The following EPM2A variants were observed in gnomAD, a reference collection of about 807,000 sequenced individuals.
The protein encoded by EPM2A is EPM2A glucan phosphatase, laforin.
Under a neutral mutation model 26.5 loss-of-function variants are expected in EPM2A, and 21 were observed. That is an observed-to-expected ratio of 0.79 (90% CI 0.56 to 1.14). The LOEUF (loss-of-function observed/expected upper bound fraction) is 1.14. Among genes scored for constraint, EPM2A ranks in the 50% most tolerant of loss-of-function variants. The pLI is 0.00. For missense variants in EPM2A, 458 were observed against 440.8 expected (o/e 1.04, Z -0.35); for synonymous variants, 217 against 177.6 (o/e 1.22, Z -1.76).
chr6:145,573,233 C>T (rs190294912), intron 2 of EPM2A, among the ~76,000 whole-genome samples: 6 of 152,328 alleles, frequency 3.9e-5, no homozygotes, highest in African/African-American at 1.2e-4. Context: ...AAGATTATAA[C>T]ACAAAGTCAG....
At position 145,441,701 on chromosome 6, in the gene EPM2A, A is replaced by G. The variant is rs527335689; in HGVS notation, c.556-57604T>C. 5.3e-5 allele frequency among the ~76,000 whole-genome samples: 8 copies of G among 151,900 alleles called. No individual in the cohort carries two copies. In the East Asian group the frequency reaches 1.6e-3, roughly 30 times the overall value. On this transcript the variant is annotated intron_variant, in intron 4 of 4. Transcript: ENST00000638717. ...CAACAGTAAAACCCTGTCTCTACTA[A>G]AAATGCAAAAATTAGCTGGGCATGG...
intron 1 of EPM2A, among the ~76,000 whole-genome samples, chr6:145,695,201 G>C (rs1361941353): frequency 6.6e-6 from 1 of 151,952 alleles, no homozygotes; most frequent in African/African-American, 2.4e-5. Flanking sequence ...TTTTGTATTT[G>C]ATTAAAGTTA....
intron 4 of EPM2A, chr6:145,491,129 T>G: frequency 3.5e-6 from 2 of 577,982 alleles, no homozygotes; most frequent in Non-Finnish European, 6.7e-6. Context: ...CTTGTGGTAT[T>G]TTCCTCTAAT....
chr6:145,706,419 T>A (rs988570945), intron 1 of EPM2A, among the ~76,000 whole-genome samples: 1 of 152,218 alleles, frequency 6.6e-6, no homozygotes. Context: ...ATATGTAACT[T>A]CACTAAACTG....
At chr6:145,471,071 A>G (rs992702310) in intron 4 of EPM2A, among the ~76,000 whole-genome samples, 5 of 152,162 alleles carry the variant, frequency 3.3e-5, no homozygotes, top group African/African-American at 1.2e-4. Context: ...CAGAAACACA[A>G]GAGTCTTGTT....
At position 145,625,579 on chromosome 6, in the gene EPM2A, C is replaced by A. The variant is rs1349110309; in HGVS notation, c.*1837G>T. On this transcript the variant is annotated 3_prime_UTR_variant, in exon 4 of 4. Transcript: ENST00000367519. ...AATTTTTAAGATTAAATTTTCACAA[C>A]ACATTATGACTGTAAATGAGTTACC... 3.1e-6 allele frequency: 2 copies of A among 651,160 alleles called. No individual in the cohort carries two copies. The highest frequency in any genetic ancestry group is 4.7e-5 in the Admixed American group (2 of 42,664). 40.3% of individuals were successfully genotyped at this position (651,160 alleles called of 1,614,324 possible).
rs1038061192 is a variant in EPM2A at position 145,544,554 on chromosome 6, G to A, written c.341-41979C>T. 5.9e-5 allele frequency among the ~76,000 whole-genome samples: 9 copies of A among 152,160 alleles called. No homozygotes were observed. In the South Asian group the frequency reaches 1.4e-3, roughly 25 times the overall value. ...ATCCAAGTTCAGTCACAAAGTGTGCGTTAGGCAGAAAGCCTGACAAACATC... is the reference window on the plus strand; with the variant it reads ...ATCCAAGTTCAGTCACAAAGTGTGCATTAGGCAGAAAGCCTGACAAACATC... On this transcript the variant is annotated intron_variant, in intron 2 of 3. Transcript: ENST00000450221.
chr6:145,396,110 T>C (rs947785494), intron 4 of EPM2A, among the ~76,000 whole-genome samples: 1 of 152,154 alleles, frequency 6.6e-6, no homozygotes, highest in African/African-American at 2.4e-5. Flanking sequence ...TCCTCTTGGA[T>C]ACCATTCAGG....
intron 4 of EPM2A, among the ~76,000 whole-genome samples, chr6:145,466,800 A>T (rs1425362114): frequency 6.6e-6 from 1 of 152,204 alleles, no homozygotes; most frequent in African/African-American, 2.4e-5. Flanking sequence ...ACACCATGGA[A>T]TACTATGCAG....
At chr6:145,650,548 T>C (rs1777814409) in intron 2 of EPM2A, among the ~76,000 whole-genome samples, 1 of 149,940 alleles carries the variant, frequency 6.7e-6, no homozygotes. Context: ...TGAGACTCTG[T>C]CTCAAAAAAA....
intron 2 of EPM2A, among the ~76,000 whole-genome samples, chr6:145,545,910 A>T (rs1780577615): frequency 6.6e-6 from 1 of 151,954 alleles, no homozygotes; most frequent in Non-Finnish European, 1.5e-5. Context: ...TCACTTTCTC[A>T]ATTTTCCTTG....
intron 2 of EPM2A, among the ~76,000 whole-genome samples, chr6:145,614,748 C>T (rs1775468581): frequency 6.6e-6 from 1 of 152,190 alleles, no homozygotes; most frequent in Admixed American, 6.5e-5. Context: ...AGGCACAGTT[C>T]ATGGCACCCC....
chr6:145,735,940 G>A (rs1359760873), upstream of EPM2A: 1 of 152,016 alleles, frequency 6.6e-6, no homozygotes, highest in Non-Finnish European at 1.5e-5. Flanking sequence ...TGTGAAACGG[G>A]GGAAGATCTT....
At chr6:145,684,265 C>T (rs1448380864) in intron 2 of EPM2A, among the ~76,000 whole-genome samples, 1 of 152,048 alleles carries the variant, frequency 6.6e-6, no homozygotes, top group Admixed American at 6.6e-5. Flanking sequence ...GGTCCAACAT[C>T]CATCTAAGGA....
intron 2 of EPM2A, among the ~76,000 whole-genome samples, chr6:145,563,226 T>C (rs1780833543): frequency 6.6e-6 from 1 of 151,738 alleles, no homozygotes; most frequent in Admixed American, 6.6e-5. Context: ...GGTTTTCTTA[T>C]TGGCTTGCCC....
At chr6:145,714,822 C>G (rs1033171143) in intron 1 of EPM2A, among the ~76,000 whole-genome samples, 4 of 152,204 alleles carry the variant, frequency 2.6e-5, no homozygotes, top group African/African-American at 9.6e-5. Flanking sequence ...AAGACCTGCC[C>G]TCATGATTCA....
chr6:145,624,909 G>C (rs1582906728), downstream of EPM2A, among the ~76,000 whole-genome samples: 1 of 152,290 alleles, frequency 6.6e-6, no homozygotes. Context: ...CTGGCAAGCA[G>C]AATGATAGAA....
chr6:145,509,648 C>G (rs1780026770), intron 2 of EPM2A, among the ~76,000 whole-genome samples: 1 of 152,074 alleles, frequency 6.6e-6, no homozygotes, highest in Non-Finnish European at 1.5e-5. Context: ...AGCACATAGC[C>G]TATGGACCCA....
At chr6:145,423,723 A>T (rs1778818982) in intron 4 of EPM2A, among the ~76,000 whole-genome samples, 1 of 152,194 alleles carries the variant, frequency 6.6e-6, no homozygotes, top group African/African-American at 2.4e-5. Context: ...TAGTGGTCAG[A>T]TCTGAGTTGG....
Sources: allele counts gnomAD v4.1 joint callset (sites outside exome capture counted in the v4.1 genomes callset), GRCh38; gene constraint gnomAD v4.1.1; transcripts MANE v1.5; gene names NCBI Gene and HGNC (gene_info 2026-07-23, HGNC 2026-07-21).